Variants in CAST observed in about 807,000 individuals in gnomAD.
CAST encodes the protein calpastatin.
CAST carries 76 observed loss-of-function variants against 119.6 expected under a neutral mutation model. The ratio of observed to expected loss-of-function variants is 0.64; its 90% CI spans 0.53 to 0.77. The LOEUF (loss-of-function observed/expected upper bound fraction) is 0.77, where lower values mean the gene tolerates loss of function less well. Ranked by LOEUF, CAST falls within the 30% of genes least tolerant of loss-of-function variation. The probability of loss-of-function intolerance (pLI) is 0.00; values close to 1 mark genes in which losing one functional copy is unlikely to be tolerated. For missense variants in CAST, 953 were observed against 946.5 expected, an observed-to-expected ratio of 1.01 and a Z score of -0.09; for synonymous variants, 319 against 331.6, an observed-to-expected ratio of 0.96 and a Z score of 0.41.
chr5:96,757,970 T>C (rs1561595318), intron 24 of CAST, among the ~76,000 whole-genome samples: 2 of 152,178 alleles, frequency 1.3e-5, no homozygotes, highest in African/African-American at 4.8e-5. Context: ...ATTACAGGCA[T>C]GAGCCACCGC....
At chr5:96,469,721 A>G in the CAST span, among the ~76,000 whole-genome samples, 14 of 151,616 alleles carry the variant, frequency 9.2e-5, no homozygotes, top group East Asian at 1.9e-4. Flanking sequence ...ACTGTTTTCT[A>G]GTTGGATGAT....
At chr5:96,479,694 C>T in the CAST span, among the ~76,000 whole-genome samples, 1 of 152,174 alleles carries the variant, frequency 6.6e-6, no homozygotes, top group East Asian at 1.9e-4. Context: ...GCGATCTGCC[C>T]TCCTTGGCCT....
chr5:96,196,604 A>C, the CAST span, among the ~76,000 whole-genome samples: 2 of 152,186 alleles, frequency 1.3e-5, no homozygotes, highest in African/African-American at 4.8e-5. Flanking sequence ...AGCTGTGAGG[A>C]AGAAATAGCC....
At chr5:96,148,797 C>A in the CAST span, among the ~76,000 whole-genome samples, 2 of 152,164 alleles carry the variant, frequency 1.3e-5, no homozygotes, top group African/African-American at 4.8e-5. Context: ...TAACTATACA[C>A]GGAAGACTGT....
intron 1 of CAST, among the ~76,000 whole-genome samples, chr5:96,561,392 AG>A (rs1388327743): frequency 3.3e-5 from 5 of 152,222 alleles, no homozygotes; most frequent in Middle Eastern, 3.4e-3. Context: ...AAAATTAAAA[AG>A]AATGAGTTCA....
At chr5:96,012,908 A>G in the CAST span, among the ~76,000 whole-genome samples, 1 of 152,122 alleles carries the variant, frequency 6.6e-6, no homozygotes, top group Non-Finnish European at 1.5e-5. Flanking sequence ...GTCCAAGGAG[A>G]GTAATAGACA....
the CAST span, among the ~76,000 whole-genome samples, chr5:96,333,070 T>C: frequency 6.6e-6 from 1 of 151,970 alleles, no homozygotes; most frequent in Non-Finnish European, 1.5e-5. Context: ...TTTTATAGCG[T>C]CTCTCCTTGC....
At chr5:96,152,911 A>T in the CAST span, among the ~76,000 whole-genome samples, 1 of 152,250 alleles carries the variant, frequency 6.6e-6, no homozygotes, top group Non-Finnish European at 1.5e-5. Context: ...CCTGACACAC[A>T]GAAAGTTCCT....
the CAST span, among the ~76,000 whole-genome samples, chr5:96,116,672 T>C: frequency 3.3e-5 from 5 of 152,318 alleles, no homozygotes; most frequent in African/African-American, 1.2e-4. Flanking sequence ...AGTAATGACA[T>C]TGAGCATCTT....
At chr5:96,260,240 G>C in the CAST span, among the ~76,000 whole-genome samples, 7 of 152,164 alleles carry the variant, frequency 4.6e-5, no homozygotes, top group Non-Finnish European at 8.8e-5. Flanking sequence ...AATCTGGTCA[G>C]AACTAGCGAA....
At chr5:96,771,507 TGAA>T (rs1772308432) in intron 30 of CAST, 134 bp from the exon 31 acceptor site, 10 of 604,022 alleles carry the variant, frequency 1.7e-5, no homozygotes, top group Admixed American at 3.0e-5. Context: ...TGTGGCCAGA[TGAA>T]GAAGAGAAAC....
At chr5:96,637,422 G>A (rs948326806) in intron 1 of CAST, among the ~76,000 whole-genome samples, 1 of 152,186 alleles carries the variant, frequency 6.6e-6, no homozygotes, top group South Asian at 2.1e-4. Context: ...CAACATTCCA[G>A]TGTTCCATTT....
At chr5:96,292,249 T>G in the CAST span, among the ~76,000 whole-genome samples, 19 of 152,172 alleles carry the variant, frequency 1.2e-4, no homozygotes, top group African/African-American at 4.1e-4. Context: ...AAACAGAGCT[T>G]CGAGACTTCT....
At chr5:96,292,250 C>T in the CAST span, among the ~76,000 whole-genome samples, 5 of 152,144 alleles carry the variant, frequency 3.3e-5, no homozygotes, top group Admixed American at 2.0e-4. Context: ...AACAGAGCTT[C>T]GAGACTTCTG....
the CAST span, among the ~76,000 whole-genome samples, chr5:96,240,769 G>A: frequency 7.3e-6 from 1 of 137,686 alleles, no homozygotes; most frequent in East Asian, 2.1e-4. Flanking sequence ...GATGCAGTGA[G>A]TTAACTCTAG....
At chr5:96,144,037 T>C in the CAST span, among the ~76,000 whole-genome samples, 30 of 152,246 alleles carry the variant, frequency 2.0e-4, no homozygotes, top group African/African-American at 7.2e-4. Context: ...AAATGAACAA[T>C]TACTTAATAT....
At chr5:96,273,171 G>A in the CAST span, among the ~76,000 whole-genome samples, 3 of 152,280 alleles carry the variant, frequency 2.0e-5, no homozygotes, top group East Asian at 1.9e-4. Context: ...TTGATATGAC[G>A]TTGATAAACT....
At chr5:96,534,259 C>CA (rs1745741498) in intron 1 of CAST, among the ~76,000 whole-genome samples, 1 of 151,824 alleles carries the variant, frequency 6.6e-6, no homozygotes, top group Admixed American at 6.6e-5. Flanking sequence ...CATACACGAG[C>CA]AAAAATCTAT....
the CAST span, among the ~76,000 whole-genome samples, chr5:96,513,716 A>T: frequency 6.6e-6 from 1 of 152,228 alleles, no homozygotes; most frequent in East Asian, 1.9e-4. Context: ...CTGAATTTTT[A>T]TATAAAAAGT....
Sources: gnomAD v4.1 joint callset for allele counts (sites outside exome capture counted in the v4.1 genomes callset) on GRCh38, gnomAD v4.1.1 for gene constraint, MANE v1.5 for transcripts, NCBI Gene and HGNC (gene_info 2026-07-23, HGNC 2026-07-21) for gene names.